The following PDLIM5 variants were observed in gnomAD, a reference collection of about 807,000 sequenced individuals.
PDLIM5 encodes the protein PDZ and LIM domain protein 5.
PDLIM5 carries 34 observed loss-of-function variants against 64.2 expected under a neutral mutation model. The observed-to-expected ratio is 0.53, with a 90% CI of 0.40 to 0.71. The LOEUF (loss-of-function observed/expected upper bound fraction) is 0.71. PDLIM5 is among the 30% of genes least tolerant of loss of function. The probability of loss-of-function intolerance (pLI) is 0.00; values close to 1 mark genes in which losing one functional copy is unlikely to be tolerated. For missense variants in PDLIM5, 683 were observed against 733.6 expected (o/e 0.93, Z 0.80); for synonymous variants, 253 against 269.1 (o/e 0.94, Z 0.59).
At chr4:94,557,008 A>G (rs185815589) in intron 3 of PDLIM5, among the ~76,000 whole-genome samples, 89 of 152,260 alleles carry the variant, frequency 5.8e-4, no homozygotes, top group African/African-American at 1.9e-3. Context: ...GGTATTGCCT[A>G]GGGTTTCTTC....
chr4:94,574,000 G>A (rs959532631), intron 4 of PDLIM5, among the ~76,000 whole-genome samples: 4 of 152,100 alleles, frequency 2.6e-5, no homozygotes, highest in African/African-American at 9.7e-5. Context: ...ACACTGACAT[G>A]CTCACATGAC....
chr4:94,584,695 G>A (rs1736016159), intron 5 of PDLIM5: 2 of 351,264 alleles, frequency 5.7e-6, no homozygotes, highest in Non-Finnish European at 1.0e-5. Flanking sequence ...TGCTAGTTTA[G>A]CCTCTACTAA....
At chr4:94,485,100 A>T (rs1726196746) in intron 2 of PDLIM5, among the ~76,000 whole-genome samples, 1 of 152,090 alleles carries the variant, frequency 6.6e-6, no homozygotes, top group Non-Finnish European at 1.5e-5. Flanking sequence ...AAAGGAGGGG[A>T]AGGGGGAAAG....
chr4:94,554,691 A>T (rs1410848711), intron 3 of PDLIM5, among the ~76,000 whole-genome samples: 1 of 152,244 alleles, frequency 6.6e-6, no homozygotes, highest in African/African-American at 2.4e-5. Context: ...GAGTAGCATT[A>T]TCAAATTTGT....
chr4:94,583,753 G>A (rs973170330), intron 5 of PDLIM5, among the ~76,000 whole-genome samples: 3 of 151,906 alleles, frequency 2.0e-5, no homozygotes, highest in African/African-American at 7.3e-5. Context: ...TTGTTATTTT[G>A]TATATGCAGA....
At chr4:94,609,198 G>A (rs1454499302) in intron 7 of PDLIM5, among the ~76,000 whole-genome samples, 1 of 152,148 alleles carries the variant, frequency 6.6e-6, no homozygotes, top group Non-Finnish European at 1.5e-5. Flanking sequence ...ATTACTTTGT[G>A]TTGGAGGTGG....
At chr4:94,593,731 A>G (rs1477229536) in intron 7 of PDLIM5, among the ~76,000 whole-genome samples, 1 of 152,220 alleles carries the variant, frequency 6.6e-6, no homozygotes, top group African/African-American at 2.4e-5. Context: ...AGTTCGGTCC[A>G]TAACATACAC....
chr4:94,558,810 T>G (rs577305070), intron 3 of PDLIM5, among the ~76,000 whole-genome samples: 38 of 152,142 alleles, frequency 2.5e-4, no homozygotes, highest in African/African-American at 8.4e-4. Context: ...ATGATCTCTT[T>G]TGTGTGTGTG....
rs774393393 is a variant in PDLIM5 at position 94,575,896 on chromosome 4, C to T, written c.572C>T (p.Pro191Leu). 9 of 1,614,154 alleles carry T rather than the reference C, an allele frequency of 5.6e-6. No homozygotes were observed. The Admixed American group carries it at 1.5e-4, about 27-fold the overall frequency. The part of the protein sequence containing the change: ...ANANLSADQS[P>L]SALSAGKTAV... ...GCCAATCTTAGTGCTGACCAGTCTC[C>T]ATCTGCACTGAGCGCTGGTAAAACT... is the stretch of plus-strand genomic sequence containing the variant. The change falls in exon 5 of 13, where the codon CCA becomes CTA. Residue 191 changes from proline to leucine, a missense_variant. By Grantham distance (98) the Pro-to-Leu change is moderately conservative. Coordinates refer to ENST00000317968, the MANE Select transcript of PDLIM5 (RefSeq NM_006457.5).
At chr4:94,499,851 C>G (rs1018848440) in intron 2 of PDLIM5, among the ~76,000 whole-genome samples, 1 of 152,162 alleles carries the variant, frequency 6.6e-6, no homozygotes, top group Non-Finnish European at 1.5e-5. Context: ...ACTGCACGTG[C>G]AAGGGATCTG....
chr4:94,608,197 G>T (rs1372579350), intron 7 of PDLIM5: 1 of 1,508,736 alleles, frequency 6.6e-7, no homozygotes, highest in Non-Finnish European at 8.9e-7. Context: ...TTCCTTCTTG[G>T]TGTTTCTAAA....
At chr4:94,500,579 T>C (rs944402078) in intron 2 of PDLIM5, among the ~76,000 whole-genome samples, 1 of 152,158 alleles carries the variant, frequency 6.6e-6, no homozygotes, top group Non-Finnish European at 1.5e-5. Context: ...AGAATTCCGG[T>C]CTTTATTTTC....
intron 2 of PDLIM5, among the ~76,000 whole-genome samples, chr4:94,500,598 A>G (rs1727823441): frequency 6.6e-6 from 1 of 152,196 alleles, no homozygotes; most frequent in Non-Finnish European, 1.5e-5. Flanking sequence ...TCCATAAAAG[A>G]AGTGATAGCA....
intron 3 of PDLIM5, among the ~76,000 whole-genome samples, chr4:94,548,497 G>A (rs372895844): frequency 1.1e-3 from 175 of 152,178 alleles, no homozygotes; most frequent in African/African-American, 3.9e-3. Context: ...AGATATTGCC[G>A]ATGTTTTAGT....
chr4:94,625,333 A>G (rs941769735), intron 8 of PDLIM5, among the ~76,000 whole-genome samples: 1 of 152,238 alleles, frequency 6.6e-6, no homozygotes, highest in African/African-American at 2.4e-5. Flanking sequence ...AGTGGATATT[A>G]TTAAACGTGT....
chr4:94,462,745 T>C (rs1444870363), intron 2 of PDLIM5, among the ~76,000 whole-genome samples: 2 of 152,172 alleles, frequency 1.3e-5, no homozygotes, highest in Non-Finnish European at 2.9e-5. Flanking sequence ...TTGCCGTCTT[T>C]ATAGAGACAC....
chr4:94,510,723 A>C (rs899712039), intron 2 of PDLIM5, among the ~76,000 whole-genome samples: 2 of 152,130 alleles, frequency 1.3e-5, no homozygotes, highest in South Asian at 4.1e-4. Context: ...AAACAGGAAA[A>C]TAGGCTGGCC....
Position 94,575,780 on chromosome 4 carries a change from A to C in PDLIM5, c.456A>C (p.Pro152=), listed in dbSNP as rs751468981. The change falls in exon 5 of 13, where the codon CCA becomes CCC. Residue 152 remains proline (P), a synonymous_variant. Coordinates refer to ENST00000317968, the MANE Select transcript of PDLIM5 (RefSeq NM_006457.5). ...CATCACCATCGTCTGCCTTCACCCC[A>C]GCCCATGCGACCACCTCATCACATG... ...SIPSPSSAFT[P]AHATTSSHAS... 9 of 1,613,982 alleles carry C rather than the reference A, an allele frequency of 5.6e-6. No homozygotes were observed. In the East Asian group the frequency reaches 6.7e-5, roughly 12 times the overall value.
intron 2 of PDLIM5, among the ~76,000 whole-genome samples, chr4:94,496,066 A>C (rs1342483461): frequency 7.9e-5 from 12 of 151,994 alleles, no homozygotes; most frequent in Non-Finnish European, 5.9e-5. Context: ...GCAAAAAAAA[A>C]AACCAAAAAA....
Sources: gnomAD v4.1 joint callset for allele counts (sites outside exome capture counted in the v4.1 genomes callset) on GRCh38, gnomAD v4.1.1 for gene constraint, MANE v1.5 for transcripts, NCBI Gene and HGNC (gene_info 2026-07-23, HGNC 2026-07-21) for gene names.